The following CFAP57 variants were observed in gnomAD, a reference collection of about 807,000 sequenced individuals.
CFAP57 encodes cilia and flagella associated protein 57, also known as cilia- and flagella-associated protein 57.
CFAP57 carries 116 observed loss-of-function variants against 146.8 expected under a neutral mutation model. The ratio of observed to expected loss-of-function variants is 0.79; its 90% CI spans 0.68 to 0.92. The LOEUF (loss-of-function observed/expected upper bound fraction) is 0.92. CFAP57 is among the 40% of genes least tolerant of loss of function. CFAP57 has a pLI of 0.00. For synonymous variants in CFAP57, 518 were observed against 552.8 expected (o/e 0.94, Z 0.88); for missense variants, 1,377 against 1,527.2 (o/e 0.90, Z 1.64).
In CFAP57 at chr1:43,215,354, C is replaced by T. The variant is rs757020445; in HGVS notation, c.2029C>T (p.Arg677Ter). 19 of 1,551,096 alleles carry T rather than the reference C, an allele frequency of 1.2e-5. No individual in the cohort carries two copies. In the East Asian group the frequency reaches 2.4e-4, roughly 20 times the overall value. ...VFDKDGRGIK[R>*]EREVGFAEEV... ...TGATAAGGATGGCCGGGGAATCAAG[C>T]GAGAGAGGGAGGTGGGCTTTGCCGA... Residue 677 changes from arginine (R) to a stop codon, truncating the protein, a stop_gained, in exon 12 of 23, where the codon CGA becomes TGA. Coordinates refer to ENST00000372492, the MANE Select transcript of CFAP57 (RefSeq NM_001378189.1). LOFTEE classifies it high-confidence loss of function.
In CFAP57 at chr1:43,224,205, G is replaced by A. The variant is rs1037799560; in HGVS notation, c.2865+1G>A. 34 of 1,532,244 alleles carry A rather than the reference G, an allele frequency of 2.2e-5. No homozygotes were observed. The highest frequency in any genetic ancestry group is 2.8e-5 in the Non-Finnish European group (32 of 1,137,028). The allele number at this position is 1,532,244 out of a possible 1,614,324, so 94.9% of individuals were successfully genotyped here. Reference sequence around the variant, plus strand: ...AAGAGACGAGACTATTCAAGACAAGGTGCAGCTCTCCTTCTGTCCTCCCTC... The same window carrying A: ...AAGAGACGAGACTATTCAAGACAAGATGCAGCTCTCCTTCTGTCCTCCCTC... On this transcript the variant is annotated splice_donor_variant, in intron 17 of 22. Coordinates refer to ENST00000372492, the MANE Select transcript of CFAP57 (RefSeq NM_001378189.1). LOFTEE classifies it high-confidence loss of function.
chr1:43,223,515 G>A (rs910990132), intron 16 of CFAP57, among the ~76,000 whole-genome samples: 5 of 152,168 alleles, frequency 3.3e-5, no homozygotes, highest in Admixed American at 1.3e-4. Context: ...ACCATCAGGG[G>A]TGAGGGAGGA....
At chr1:43,232,715 C>G in intron 19 of CFAP57, 91 bp downstream of exon 19, 2 of 832,442 alleles carry the variant, frequency 2.4e-6, no homozygotes, top group Non-Finnish European at 3.7e-6. Flanking sequence ...CAGAGCCAGC[C>G]CACTGCGAGG....
chr1:43,232,311 G>A, intron 18 of CFAP57, 197 bp from the exon 19 acceptor site: 1 of 599,018 alleles, frequency 1.7e-6, no homozygotes, highest in African/African-American at 1.8e-5. Flanking sequence ...TGCTGGTTTA[G>A]CATATCAGTC....
intron 21 of CFAP57, among the ~76,000 whole-genome samples, chr1:43,241,568 T>G (rs537041768): frequency 3.2e-4 from 48 of 152,222 alleles, no homozygotes; most frequent in African/African-American, 1.1e-3. Context: ...ACTCGTGAGA[T>G]AATGTCCCAA....
Position 43,183,646 on chromosome 1 carries a change from T to A in CFAP57, c.530T>A (p.Phe177Tyr). 6.2e-7 allele frequency: 1 copy of A among 1,614,212 alleles called. No homozygotes were observed. The highest frequency in any genetic ancestry group is 8.5e-7 in the Non-Finnish European group (1 of 1,180,034). The change falls in exon 4 of 23, where the codon TTT becomes TAT. Residue 177 changes from phenylalanine to tyrosine, a missense_variant. Phe to Tyr is a conservative substitution (Grantham distance 22, BLOSUM62 3). Coordinates refer to ENST00000372492, the MANE Select transcript of CFAP57 (RefSeq NM_001378189.1). ...TQVCVTGNGM[F>Y]KLLRFAEGTL... ...GTGTGTGTCACTGGAAATGGGATGT[T>A]TAAGCTTCTCCGTTTTGCTGAGGGA...
At chr1:43,218,506 G>A (rs1644921103) in intron 12 of CFAP57, among the ~76,000 whole-genome samples, 1 of 152,052 alleles carries the variant, frequency 6.6e-6, no homozygotes, top group African/African-American at 2.4e-5. Flanking sequence ...TACTTGGCAG[G>A]CTGAGGTGGG....
chr1:43,180,518 C>A (rs1645360852), intron 2 of CFAP57, among the ~76,000 whole-genome samples: 1 of 151,780 alleles, frequency 6.6e-6, no homozygotes. Flanking sequence ...TGTGACGGGT[C>A]CCCATGTGTT....
intron 21 of CFAP57, among the ~76,000 whole-genome samples, chr1:43,234,980 C>G (rs1010500369): frequency 6.6e-6 from 1 of 152,158 alleles, no homozygotes; most frequent in African/African-American, 2.4e-5. Flanking sequence ...CTCTCATCAG[C>G]CCCTTGGCCC....
At chr1:43,188,911 C>T (rs1325071319) in intron 6 of CFAP57, among the ~76,000 whole-genome samples, 2 of 152,102 alleles carry the variant, frequency 1.3e-5, no homozygotes, top group African/African-American at 2.4e-5. Context: ...GTCTTTAATC[C>T]GTTTTGAATT....
intron 4 of CFAP57, among the ~76,000 whole-genome samples, 176 bp downstream of exon 4, chr1:43,184,053 A>G (rs61776949): frequency 0.012 from 1,822 of 152,304 alleles, 14 homozygotes; most frequent in Non-Finnish European, 0.02. Context: ...AACAGTTATA[A>G]CCATAGACTA....
chr1:43,250,876 TG>T (rs1459086726), intron 22 of CFAP57, among the ~76,000 whole-genome samples: 1 of 152,228 alleles, frequency 6.6e-6, no homozygotes, highest in East Asian at 1.9e-4. Flanking sequence ...CTCAGTCAGT[TG>T]GTCTTGTTCC....
At chr1:43,242,866 T>C (rs1557833100) in intron 21 of CFAP57, among the ~76,000 whole-genome samples, 1 of 151,786 alleles carries the variant, frequency 6.6e-6, no homozygotes, top group African/African-American at 2.4e-5. Flanking sequence ...TAATTATATA[T>C]ATATAATATA....
Position 43,183,727 on chromosome 1 carries a change from C to G in CFAP57, c.611C>G (p.Thr204Ser). Residue 204 changes from threonine (T) to serine (S), a missense_variant, in exon 4 of 23, where the codon ACC (threonine) becomes AGC (serine). Physicochemically the swap from Thr to Ser is moderately conservative, Grantham distance 58. Coordinates refer to ENST00000372492, the MANE Select transcript of CFAP57 (RefSeq NM_001378189.1). ...GAACCCCAAAACTATCTAGCTCACACCTGGGTGGCTGATGACAAGATTGTC... is the reference window on the plus strand; with the variant it reads ...GAACCCCAAAACTATCTAGCTCACAGCTGGGTGGCTGATGACAAGATTGTC... ...RGEPQNYLAH[T>S]WVADDKIVVG... The G allele has an allele frequency of 6.2e-7, 1 of 1,614,166 alleles. No homozygotes were observed. The highest frequency in any genetic ancestry group is 8.5e-7 in the Non-Finnish European group (1 of 1,180,030).
chr1:43,215,343 G>A lies in CFAP57; in HGVS notation c.2018G>A (p.Arg673Gln), dbSNP rs764375009. The change falls in exon 12 of 23, where the codon CGG (arginine) becomes CAG (glutamine). Residue 673 changes from arginine (R) to glutamine (Q), a missense_variant. By Grantham distance (43) the Arg-to-Gln change is conservative. Coordinates refer to ENST00000372492, the MANE Select transcript of CFAP57 (RefSeq NM_001378189.1). Reference protein sequence around the residue: ...FTWKVFDKDGRGIKREREVGF... With the variant: ...FTWKVFDKDGQGIKREREVGF... ...TGGAAGGTCTTTGATAAGGATGGCC[G>A]GGGAATCAAGCGAGAGAGGGAGGTG... 34 of 1,551,132 alleles carry A rather than the reference G, an allele frequency of 2.2e-5. No individual in the cohort carries two copies. In the Admixed American group the frequency reaches 2.7e-4, roughly 13 times the overall value.
intron 13 of CFAP57, 54 bp from the exon 14 acceptor site, chr1:43,221,318 C>T: frequency 7.5e-7 from 1 of 1,342,022 alleles, no homozygotes. Context: ...AGTTCTTGCC[C>T]TAGTAGTGCT....
rs1270964716 is a variant in CFAP57, at chr1:43,238,284, G to A, written c.3405+3646G>A. On this transcript the variant is annotated intron_variant, in intron 21 of 22. Coordinates refer to ENST00000372492, the MANE Select transcript of CFAP57 (RefSeq NM_001378189.1). The surrounding 1 kb of genome is among the most constrained non-coding windows in gnomAD (Gnocchi z 4.3). ...GACTCAGGCCATGCCATTAGGGGGT[G>A]CTGTAGGCATTCCCTTCTCTTCTCT... Among the ~76,000 whole-genome samples the A allele has an allele frequency of 6.6e-6, 1 of 152,212 alleles. No homozygotes were observed. Among genetic ancestry groups the A allele is most frequent in the Non-Finnish European group, 1.5e-5 (1 of 68,036 alleles).
At position 43,183,705 on chromosome 1, in the gene CFAP57, C is replaced by A. The variant is rs568075586; in HGVS notation, c.589C>A (p.Pro197Thr). The A allele has an allele frequency of 1.4e-5, 22 of 1,614,214 alleles. 1 individual carries two copies. The East Asian group carries it at 4.2e-4, about 31-fold the overall frequency. ...GCAAACCAGCTTTCAGAGGGGAGAA[C>A]CCCAAAACTATCTAGCTCACACCTG... ...LKQTSFQRGE[P>T]QNYLAHTWVA... Residue 197 changes from proline to threonine, a missense_variant, in exon 4 of 23, where the codon CCC becomes ACC. By Grantham distance (38) the Pro-to-Thr change is conservative. Coordinates refer to ENST00000372492, the MANE Select transcript of CFAP57 (RefSeq NM_001378189.1).
chr1:43,246,690 T>G (rs1406638469), intron 22 of CFAP57, among the ~76,000 whole-genome samples: 1 of 152,226 alleles, frequency 6.6e-6, no homozygotes, highest in Non-Finnish European at 1.5e-5. Context: ...TTTGTGAGAT[T>G]TGCAGCAATG....
Sources: allele counts gnomAD v4.1 joint callset (sites outside exome capture counted in the v4.1 genomes callset), GRCh38; gene constraint gnomAD v4.1.1; non-coding constraint Gnocchi (gnomAD v3.1); transcripts MANE v1.5; gene names NCBI Gene and HGNC (gene_info 2026-07-23, HGNC 2026-07-21).